The following SIL1 variants were observed in gnomAD, a reference collection of about 807,000 sequenced individuals.
The protein encoded by SIL1 is nucleotide exchange factor SIL1.
SIL1 carries 40 observed loss-of-function variants against 49.1 expected under a neutral mutation model. The ratio of observed to expected loss-of-function variants is 0.81; its 90% CI spans 0.63 to 1.06. SIL1 has a LOEUF of 1.06. SIL1 is among the 50% of genes least tolerant of loss of function. The probability of loss-of-function intolerance (pLI) is 0.00; values close to 1 mark genes in which losing one functional copy is unlikely to be tolerated. For missense variants in SIL1, 500 were observed against 572.6 expected (o/e 0.87, Z 1.29); for synonymous variants, 253 against 250.8 (o/e 1.01, Z -0.08).
intron 1 of SIL1, among the ~76,000 whole-genome samples, chr5:139,158,975 T>C (rs1751455787): frequency 6.6e-6 from 1 of 152,152 alleles, no homozygotes; most frequent in South Asian, 2.1e-4. Context: ...TGAAATGCTA[T>C]TTTGTAACTT....
intron 3 of SIL1, among the ~76,000 whole-genome samples, chr5:139,079,964 C>A (rs1341671845): frequency 1.3e-5 from 2 of 152,084 alleles, no homozygotes; most frequent in Admixed American, 6.6e-5. Context: ...CTCATGTAGC[C>A]ACAGCTATCA....
intron 3 of SIL1, among the ~76,000 whole-genome samples, chr5:139,077,320 A>C (rs1246811408): frequency 6.6e-6 from 1 of 152,230 alleles, no homozygotes; most frequent in East Asian, 1.9e-4. Flanking sequence ...TTGGATACAA[A>C]ATAAATAAAT....
chr5:139,192,499 C>T (rs868478543), intron 1 of SIL1, among the ~76,000 whole-genome samples: 6 of 152,270 alleles, frequency 3.9e-5, no homozygotes, highest in African/African-American at 1.2e-4. Flanking sequence ...ATACCCTTCC[C>T]CATTTCTCTG....
At chr5:139,139,901 G>A (rs948331646) in intron 1 of SIL1, among the ~76,000 whole-genome samples, 5 of 152,306 alleles carry the variant, frequency 3.3e-5, no homozygotes, top group Non-Finnish European at 7.3e-5. Context: ...GGCTGAGGCA[G>A]GTGGATCACC....
intron 7 of SIL1, among the ~76,000 whole-genome samples, chr5:138,969,020 G>A (rs1322804705): frequency 6.6e-6 from 1 of 152,138 alleles, no homozygotes; most frequent in Non-Finnish European, 1.5e-5. Context: ...ATGCAGCCCA[G>A]ATGGTCAATA....
chr5:139,143,743 G>T (rs1388752237), intron 1 of SIL1, among the ~76,000 whole-genome samples: 3 of 152,104 alleles, frequency 2.0e-5, no homozygotes. Context: ...CAGTAAAGTT[G>T]CAGGACATAA....
chr5:139,049,423 G>A (rs892684564), intron 4 of SIL1, among the ~76,000 whole-genome samples: 10 of 152,120 alleles, frequency 6.6e-5, no homozygotes, highest in Admixed American at 2.0e-4. Context: ...GTGATCCGCC[G>A]GCCTCGGCCT....
intron 3 of SIL1, among the ~76,000 whole-genome samples, chr5:139,119,219 C>T (rs867411832): frequency 1.3e-5 from 2 of 152,228 alleles, no homozygotes; most frequent in African/African-American, 2.4e-5. Flanking sequence ...TCTTGTCACA[C>T]AGGCTCTGGC....
chr5:139,127,873 C>A lies in SIL1; in HGVS notation c.-10-20G>T. Reference sequence around the variant, plus strand: ...AGGGACCTGCAGGTGCAAGCATAGACAACAGAAGGTCAATGAAAAGCTAAT... The same window carrying A: ...AGGGACCTGCAGGTGCAAGCATAGAAAACAGAAGGTCAATGAAAAGCTAAT... On this transcript the variant is annotated intron_variant, in intron 1 of 9. Transcript: ENST00000394817. 2.0e-6 allele frequency: 3 copies of A among 1,471,072 alleles called. No homozygotes were observed. The African/African-American group carries it at 4.2e-5, about 20-fold the overall frequency. 91.1% of individuals were successfully genotyped at this position (1,471,072 alleles called of 1,614,324 possible).
chr5:139,084,887 C>A (rs1387675299), intron 3 of SIL1, among the ~76,000 whole-genome samples: 1 of 152,130 alleles, frequency 6.6e-6, no homozygotes, highest in Non-Finnish European at 1.5e-5. Context: ...TAGTAATTAA[C>A]AAGGGCACAG....
chr5:139,183,704 G>A (rs1752031437), intron 1 of SIL1, among the ~76,000 whole-genome samples: 1 of 152,210 alleles, frequency 6.6e-6, no homozygotes, highest in Non-Finnish European at 1.5e-5. Flanking sequence ...CTGCTGGGAA[G>A]ACCTGTGGGA....
Position 138,947,106 on chromosome 5 carries a change from G to T in SIL1, c.*11C>A. On this transcript the variant is annotated 3_prime_UTR_variant, in exon 10 of 10. Transcript: ENST00000394817. The surrounding 1 kb of genome is among the most constrained non-coding windows in gnomAD (Gnocchi z 4.1). ...ACTAGCGGCATCCCAGTCCAGTCCT[G>T]GTGTGGGGCCTCATCTCAGCTCCTT... 1 of 1,604,740 alleles carries T rather than the reference G, an allele frequency of 6.2e-7. No homozygotes were observed. Among genetic ancestry groups the T allele is most frequent in the Middle Eastern group, 1.7e-4 (1 of 6,054 alleles).
chr5:139,129,312 T>C (rs897036347), intron 1 of SIL1, among the ~76,000 whole-genome samples: 2 of 152,194 alleles, frequency 1.3e-5, no homozygotes, highest in Non-Finnish European at 2.9e-5. Flanking sequence ...TTTTTGACAA[T>C]GGTACCAAGA....
intron 1 of SIL1, among the ~76,000 whole-genome samples, chr5:139,148,317 G>A (rs1184303972): frequency 3.3e-5 from 5 of 152,170 alleles, no homozygotes; most frequent in East Asian, 1.9e-4. Flanking sequence ...GCCTGCAACT[G>A]ACAGGGGTAC....
At chr5:139,011,727 GCT>G (rs1768277777) in intron 7 of SIL1, among the ~76,000 whole-genome samples, 2 of 152,206 alleles carry the variant, frequency 1.3e-5, no homozygotes, top group Non-Finnish European at 1.5e-5. Flanking sequence ...TTGGTTGTGA[GCT>G]CATGATCATA....
At chr5:139,139,146 G>C (rs1423353891) in intron 1 of SIL1, among the ~76,000 whole-genome samples, 1 of 152,196 alleles carries the variant, frequency 6.6e-6, no homozygotes, top group Non-Finnish European at 1.5e-5. Flanking sequence ...GTAGACAGAT[G>C]CAGCTAGCAT....
chr5:139,028,840 A>T lies in SIL1; in HGVS notation c.454-1848T>A, dbSNP rs147515262. On this transcript the variant is annotated intron_variant, in intron 5 of 9. Coordinates refer to ENST00000394817, the MANE Select transcript of SIL1 (RefSeq NM_022464.5). ...GACTTGTGTAACTACCAGAACAATC[A>T]TGCTAGAGAACTGTCCCACCATGAT... Among the ~76,000 whole-genome samples the T allele has an allele frequency of 4.6e-5, 7 of 152,342 alleles. No individual in the cohort carries two copies. In the East Asian group the frequency reaches 1.2e-3, roughly 25 times the overall value.
intron 3 of SIL1, among the ~76,000 whole-genome samples, chr5:139,113,922 G>A (rs1346561837): frequency 1.3e-5 from 2 of 152,210 alleles, no homozygotes; most frequent in Non-Finnish European, 2.9e-5. Flanking sequence ...GAGAGTTGAG[G>A]CTATGCCACT....
intron 1 of SIL1, among the ~76,000 whole-genome samples, chr5:139,181,649 G>A (rs1472926345): frequency 6.6e-6 from 1 of 152,180 alleles, no homozygotes; most frequent in Admixed American, 6.5e-5. Context: ...CTTCTATTTT[G>A]AAGTTGAGAA....
Sources: allele counts gnomAD v4.1 joint callset (sites outside exome capture counted in the v4.1 genomes callset), GRCh38; gene constraint gnomAD v4.1.1; non-coding constraint Gnocchi (gnomAD v3.1); transcripts MANE v1.5; gene names NCBI Gene and HGNC (gene_info 2026-07-23, HGNC 2026-07-21).